Variants in AMPH observed in about 807,000 individuals in gnomAD.
AMPH encodes amphiphysin (Stiff-Mann syndrome with breast cancer 128kD autoantigen).
In AMPH, 49 loss-of-function variants were observed where a neutral mutation model predicts 99.1. The observed-to-expected ratio is 0.49, with a 90% CI of 0.39 to 0.63. AMPH has a LOEUF of 0.63. Ranked by LOEUF, AMPH falls within the 20% of genes least tolerant of loss-of-function variation. The pLI, the probability that AMPH is intolerant of heterozygous loss-of-function variation, is 0.00. For synonymous variants in AMPH, 314 were observed against 317.3 expected (o/e 0.99, Z 0.11); for missense variants, 759 against 863.4 (o/e 0.88, Z 1.52).
intron 11 of AMPH, among the ~76,000 whole-genome samples, chr7:38,444,570 C>T (rs538178889): frequency 6.6e-6 from 1 of 152,118 alleles, no homozygotes; most frequent in South Asian, 2.1e-4. Flanking sequence ...AGCCAAGGAA[C>T]CCCAAGGACT....
chr7:38,475,207 A>T lies in AMPH; in HGVS notation c.590+124T>A, dbSNP rs1584140490. 1.8e-5 allele frequency: 12 copies of T among 653,490 alleles called. No individual in the cohort carries two copies. In the East Asian group the frequency reaches 3.4e-4, roughly 19 times the overall value. The allele number at this position is 653,490 out of a possible 1,614,324, so 40.5% of individuals were successfully genotyped here. On this transcript the variant is annotated intron_variant, in intron 7 of 20. Coordinates refer to ENST00000356264, the MANE Select transcript of AMPH (RefSeq NM_001635.4). ...GTAGCTACCATACTGGAAAGCGCAG[A>T]TAAAGAACACTTTCACTGGACAGTG...
chr7:38,430,224 T>C (rs995393336), intron 13 of AMPH, among the ~76,000 whole-genome samples: 5 of 152,190 alleles, frequency 3.3e-5, no homozygotes, highest in African/African-American at 9.6e-5. Flanking sequence ...GGTCAAGAAA[T>C]TACACAGTAG....
intron 1 of AMPH, among the ~76,000 whole-genome samples, chr7:38,582,425 C>T (rs1454587290): frequency 6.6e-6 from 1 of 152,124 alleles, no homozygotes; most frequent in African/African-American, 2.4e-5. Flanking sequence ...TAGATCATGT[C>T]CAGGCACCCC....
chr7:38,603,346 T>C lies in AMPH; in HGVS notation c.69+27937A>G, dbSNP rs76966433. Among the ~76,000 whole-genome samples, 359 of 138,638 alleles carry C rather than the reference T, an allele frequency of 2.6e-3. 2 individuals carry two copies. The highest frequency in any genetic ancestry group is 9.3e-3 in the African/African-American group (345 of 37,208). 91.0% of individuals were successfully genotyped at this position (138,638 alleles called of 152,430 possible). On this transcript the variant is annotated intron_variant, in intron 1 of 20. Coordinates refer to ENST00000356264, the MANE Select transcript of AMPH (RefSeq NM_001635.4). The stretch of plus-strand genomic sequence containing the variant: ...AAAAAAAAAAAAAATTATGCCAAAA[T>C]AAAAAGTTAAAATCAAGCCAGAAAA...
At chr7:38,507,000 C>T (rs1221194100) in intron 2 of AMPH, among the ~76,000 whole-genome samples, 1 of 152,110 alleles carries the variant, frequency 6.6e-6, no homozygotes, top group Non-Finnish European at 1.5e-5. Context: ...TTATGAGTCA[C>T]CAGGATTGCT....
rs190610395 is a variant in AMPH at position 38,577,895 on chromosome 7, A to G, written c.70-42884T>C. Among the ~76,000 whole-genome samples, 44 of 152,288 alleles carry G rather than the reference A, an allele frequency of 2.9e-4. No individual in the cohort carries two copies. In the East Asian group the frequency reaches 8.5e-3, roughly 29 times the overall value. On this transcript the variant is annotated intron_variant, in intron 1 of 20. Coordinates refer to ENST00000356264, the MANE Select transcript of AMPH (RefSeq NM_001635.4). ...ATGAATGAATGAATGAGTCAAGATA[A>G]TACCTGTGAAGCCTCTTGGAAGTCA...
chr7:38,424,085 T>C lies in AMPH; in HGVS notation c.1216-1608A>G, dbSNP rs1365016032. Among the ~76,000 whole-genome samples, 5 of 152,016 alleles carry C rather than the reference T, an allele frequency of 3.3e-5. No homozygotes were observed. In the East Asian group the frequency reaches 5.8e-4, roughly 18 times the overall value. ...TGAACTTCACAGACAGGAGACAAAA[T>C]AAATCTTCCCTGGGAAATCTGGCCA... On this transcript the variant is annotated intron_variant, in intron 15 of 20. Transcript: ENST00000356264.
At chr7:38,437,814 T>TA (rs990841253) in intron 11 of AMPH, among the ~76,000 whole-genome samples, 8 of 150,940 alleles carry the variant, frequency 5.3e-5, no homozygotes, top group Admixed American at 1.3e-4. Context: ...CCCCCAAAAA[T>TA]AAAAAAAATA....
intron 1 of AMPH, among the ~76,000 whole-genome samples, chr7:38,575,142 C>T (rs1433414320): frequency 1.3e-5 from 2 of 151,286 alleles, no homozygotes; most frequent in Admixed American, 6.6e-5. Flanking sequence ...TTTCCTGTTG[C>T]ATCTTTCAAA....
At chr7:38,570,960 A>T (rs1218484771) in intron 1 of AMPH, among the ~76,000 whole-genome samples, 4 of 86,108 alleles carry the variant, frequency 4.6e-5, no homozygotes, top group African/African-American at 9.0e-5. Flanking sequence ...TATATAGAAT[A>T]TATATATAGA....
Position 38,491,081 on chromosome 7 carries a change from T to A in AMPH, c.365A>T (p.Asp122Val), listed in dbSNP as rs772967761. The A allele has an allele frequency of 1.2e-6, 2 of 1,612,906 alleles. No homozygotes were observed. The highest frequency in any genetic ancestry group is 2.2e-5 in the South Asian group (2 of 91,032). Residue 122 changes from aspartate to valine, a missense_variant, in exon 5 of 21, where the codon GAT (aspartate) becomes GTT (valine). By Grantham distance (152) the Asp-to-Val change is radical. This residue lies in a region of AMPH where 205 missense variants were observed against 287.9 expected (regional missense o/e 0.71). Transcript: ENST00000356264. ...KLVDGSLLTLDTYLGQFPDIK... is the reference protein window; with the variant it reads ...KLVDGSLLTLVTYLGQFPDIK... ...GTCAGGAAATTGCCCCAGGTAGGTA[T>A]CCAGTGTTAGCAAGGACCCATCCAC...
intron 4 of AMPH, among the ~76,000 whole-genome samples, chr7:38,493,384 T>C (rs1207809389): frequency 6.6e-6 from 1 of 152,174 alleles, no homozygotes; most frequent in African/African-American, 2.4e-5. Flanking sequence ...TCAGTAATCA[T>C]AATATGTACC....
intron 1 of AMPH, among the ~76,000 whole-genome samples, chr7:38,587,914 CTGTGTGTG>C (rs200023803): frequency 0.012 from 1,574 of 126,166 alleles, 11 homozygotes; most frequent in Non-Finnish European, 0.02. Context: ...TTATTAATTA[CTGTGTGTG>C]TGTGTGTGTG....
intron 1 of AMPH, among the ~76,000 whole-genome samples, chr7:38,550,668 G>A (rs1791149830): frequency 1.3e-5 from 2 of 152,118 alleles, no homozygotes; most frequent in Admixed American, 6.5e-5. Context: ...GTACCCATTA[G>A]GTAATTTATC....
chr7:38,519,932 A>C (rs1789890066), intron 2 of AMPH, among the ~76,000 whole-genome samples: 1 of 152,254 alleles, frequency 6.6e-6, no homozygotes, highest in African/African-American at 2.4e-5. Flanking sequence ...ACACCACAGA[A>C]TACTATGCAG....
chr7:38,523,537 T>C (rs1181816418), intron 2 of AMPH, among the ~76,000 whole-genome samples: 3 of 152,192 alleles, frequency 2.0e-5, no homozygotes, highest in African/African-American at 7.2e-5. Flanking sequence ...ACTGGCTAAA[T>C]TTGGAGGAAC....
intron 1 of AMPH, among the ~76,000 whole-genome samples, chr7:38,625,234 C>T (rs1794203670): frequency 6.6e-6 from 1 of 152,080 alleles, no homozygotes; most frequent in East Asian, 1.9e-4. Flanking sequence ...GCCCAGATTA[C>T]CACAAAAGGG....
chr7:38,555,850 A>G (rs901898058), intron 1 of AMPH, among the ~76,000 whole-genome samples: 5 of 152,190 alleles, frequency 3.3e-5, no homozygotes, highest in African/African-American at 1.2e-4. Context: ...GATATTAGAA[A>G]AAAAATTTAT....
intron 1 of AMPH, among the ~76,000 whole-genome samples, chr7:38,569,361 G>A (rs1449314591): frequency 6.6e-6 from 1 of 151,532 alleles, no homozygotes; most frequent in Non-Finnish European, 1.5e-5. Flanking sequence ...AATTTCTAAT[G>A]ATAGCTAGAA....
Sources: allele counts gnomAD v4.1 joint callset (sites outside exome capture counted in the v4.1 genomes callset), GRCh38; gene constraint gnomAD v4.1.1; regional missense constraint gnomAD v4.1.1; transcripts MANE v1.5; gene names NCBI Gene and HGNC (gene_info 2026-07-23, HGNC 2026-07-21).